The following PMS1 variants were observed in gnomAD, a reference collection of about 807,000 sequenced individuals.
PMS1 encodes PMS1 homolog 1, mismatch repair system component, also known as PMS1 protein homolog 1.
Under a neutral mutation model 93.1 loss-of-function variants are expected in PMS1, and 79 were observed. The ratio of observed to expected loss-of-function variants is 0.85; its 90% CI spans 0.71 to 1.02. PMS1 has a LOEUF of 1.02. PMS1 is among the 50% of genes least tolerant of loss of function. The probability of loss-of-function intolerance (pLI) is 0.00; values close to 1 mark genes in which losing one functional copy is unlikely to be tolerated. For synonymous variants in PMS1, 335 were observed against 363.4 expected, an observed-to-expected ratio of 0.92 and a Z score of 0.89; for missense variants, 1,064 against 1,085.3, an observed-to-expected ratio of 0.98 and a Z score of 0.28.
chr2:189,799,657 T>C lies in PMS1; in HGVS notation c.315+3706T>C, dbSNP rs567557632. Among the ~76,000 whole-genome samples the C allele has an allele frequency of 1.4e-4, 22 of 152,328 alleles. No individual in the cohort carries two copies. In the South Asian group the frequency reaches 3.3e-3, roughly 23 times the overall value. ...CTTTTATAGTAGTAGGGGACCCTAG[T>C]ACACCATCTAGATCCCCCACTTCAG... is the stretch of plus-strand genomic sequence containing the variant. On this transcript the variant is annotated intron_variant, in intron 3 of 12. Coordinates refer to ENST00000441310, the MANE Select transcript of PMS1 (RefSeq NM_000534.5).
chr2:189,828,639 C>G (rs541203078), intron 5 of PMS1, among the ~76,000 whole-genome samples: 9 of 152,176 alleles, frequency 5.9e-5, no homozygotes, highest in African/African-American at 1.9e-4. Context: ...AAATCATGCT[C>G]TAGATGAAAA....
chr2:189,826,329 A>G (rs1007683554), intron 5 of PMS1, among the ~76,000 whole-genome samples: 2 of 152,114 alleles, frequency 1.3e-5, no homozygotes, highest in African/African-American at 2.4e-5. Flanking sequence ...TCCAGTGCCA[A>G]TCTGGAAAGT....
chr2:189,810,533 G>A (rs368905431), intron 4 of PMS1, among the ~76,000 whole-genome samples: 46 of 152,338 alleles, frequency 3.0e-4, no homozygotes, highest in South Asian at 6.2e-4. Context: ...CTTGTGGGCA[G>A]ACATGACAGA....
chr2:189,823,900 T>G (rs1201730156), intron 5 of PMS1, among the ~76,000 whole-genome samples: 1 of 152,222 alleles, frequency 6.6e-6, no homozygotes, highest in Admixed American at 6.5e-5. Flanking sequence ...AAACACAGTG[T>G]AGTCCAACAT....
At chr2:189,811,053 C>T (rs950553669) in intron 4 of PMS1, among the ~76,000 whole-genome samples, 15 of 150,900 alleles carry the variant, frequency 9.9e-5, no homozygotes, top group Non-Finnish European at 1.8e-4. Flanking sequence ...TAGCAAATTT[C>T]AGCAGAGAAA....
At chr2:189,847,210 A>G (rs2054329764) in intron 6 of PMS1, among the ~76,000 whole-genome samples, 1 of 152,098 alleles carries the variant, frequency 6.6e-6, no homozygotes, top group Admixed American at 6.5e-5. Context: ...GGATGTGTCT[A>G]AGTGTGTGTC....
intron 5 of PMS1, among the ~76,000 whole-genome samples, chr2:189,840,274 G>A (rs2053713310): frequency 6.6e-6 from 1 of 152,156 alleles, no homozygotes; most frequent in African/African-American, 2.4e-5. Flanking sequence ...GAAAGTGATG[G>A]ACAGAAAACC....
At chr2:189,789,410 C>A (rs1371814751) in intron 1 of PMS1, among the ~76,000 whole-genome samples, 1 of 152,074 alleles carries the variant, frequency 6.6e-6, no homozygotes, top group Admixed American at 6.5e-5. Context: ...TAAAGGTGAA[C>A]CCCCAATACC....
In PMS1 at chr2:189,873,624, T is replaced by C; in HGVS notation, c.2602T>C (p.Cys868Arg). The change falls in exon 12 of 13, where the codon TGT becomes CGT. Residue 868 changes from cysteine to arginine, a missense_variant. By Grantham distance (180) the Cys-to-Arg change is radical. Coordinates refer to ENST00000441310, the MANE Select transcript of PMS1 (RefSeq NM_000534.5). ...LNRNAKEVYE[C>R]RPRKVISYLE... The stretch of plus-strand genomic sequence containing the variant: ...CAGAAATGCAAAGGAAGTTTATGAA[T>C]GTAGACCTCGCAAAGTGATAAGTTA... 6.2e-7 allele frequency: 1 copy of C among 1,606,866 alleles called. No individual in the cohort carries two copies. Among genetic ancestry groups the C allele is most frequent in the Non-Finnish European group, 8.5e-7 (1 of 1,173,510 alleles).
intron 3 of PMS1, among the ~76,000 whole-genome samples, chr2:189,799,640 G>A (rs1453892247): frequency 6.6e-6 from 1 of 152,210 alleles, no homozygotes; most frequent in African/African-American, 2.4e-5. Flanking sequence ...AACTTTTATA[G>A]TAGTAGGGGA....
At chr2:189,876,230 G>A (rs913269622) in intron 12 of PMS1, among the ~76,000 whole-genome samples, 1 of 152,108 alleles carries the variant, frequency 6.6e-6, no homozygotes, top group South Asian at 2.1e-4. Flanking sequence ...AGGGGTTGTG[G>A]GAAGGAGTTG....
Position 189,818,023 on chromosome 2 carries a change from CTG to C in PMS1, c.427_428del (p.Val143AsnfsTer7). ...TTCTCTTGTCTGCCAACAGGTACAA[CTG>C]TAACTGCTTTAAGATTATTTAAGAA... On this transcript the variant is annotated frameshift_variant, in exon 5 of 13. Coordinates refer to ENST00000441310, the MANE Select transcript of PMS1 (RefSeq NM_000534.5). LOFTEE classifies it high-confidence loss of function. 6.2e-7 allele frequency: 1 copy of C among 1,607,100 alleles called. No individual in the cohort carries two copies. Among genetic ancestry groups the C allele is most frequent in the Non-Finnish European group, 8.5e-7 (1 of 1,174,262 alleles).
In PMS1 at chr2:189,864,093, G is replaced by A. The variant is rs368630253; in HGVS notation, c.2207G>A (p.Trp736Ter). Residue 736 changes from tryptophan (W) to a stop codon, truncating the protein, a stop_gained, in exon 10 of 13, where the codon TGG becomes TAG. Coordinates refer to ENST00000441310, the MANE Select transcript of PMS1 (RefSeq NM_000534.5). LOFTEE classifies it high-confidence loss of function. ...CACAATCTCAGGTTTCCTGATGCAT[G>A]GCTAATGACATCCAAAACAGAGGTA... ...LIHNLRFPDA[W>*]LMTSKTEVML... The A allele has an allele frequency of 1.9e-6, 3 of 1,613,656 alleles. No individual in the cohort carries two copies. In the South Asian group the frequency reaches 3.3e-5, roughly 18 times the overall value.
rs181043189 is a variant in PMS1, at chr2:189,861,149, G to A, written c.1857-2594G>A. On this transcript the variant is annotated intron_variant, in intron 9 of 12. Transcript: ENST00000441310. ...TGTTCTTTTGTTCCTCCTTTTTGGG[G>A]GGAGAGGAGCCCTTTAGGGTTAAAA... Among the ~76,000 whole-genome samples the A allele has an allele frequency of 7.2e-5, 11 of 151,762 alleles. 1 individual carries two copies. The East Asian group carries it at 1.5e-3, about 21-fold the overall frequency.
intron 5 of PMS1, among the ~76,000 whole-genome samples, chr2:189,823,123 T>G (rs992302062): frequency 6.6e-6 from 1 of 152,126 alleles, no homozygotes; most frequent in African/African-American, 2.4e-5. Flanking sequence ...TCTCTAAAAC[T>G]AGGCAGTCAC....
At chr2:189,807,938 G>A (rs2050490489) in intron 4 of PMS1, among the ~76,000 whole-genome samples, 1 of 151,950 alleles carries the variant, frequency 6.6e-6, no homozygotes, top group Non-Finnish European at 1.5e-5. Flanking sequence ...GAAAGTTAAA[G>A]TCTTAATTTT....
intron 10 of PMS1, among the ~76,000 whole-genome samples, chr2:189,864,687 A>AATATATATATATAT (rs1220402323): frequency 5.5e-5 from 1 of 18,252 alleles, no homozygotes; most frequent in Non-Finnish European, 1.0e-4. Context: ...AAAAAAAAAA[A>AATATATATATATAT]ATATATATAT....
At chr2:189,847,993 T>TG (rs1397100488) in intron 6 of PMS1, among the ~76,000 whole-genome samples, 3 of 152,214 alleles carry the variant, frequency 2.0e-5, no homozygotes, top group Non-Finnish European at 4.4e-5. Context: ...CCAACCTTAG[T>TG]GGCCAGCTAC....
chr2:189,814,410 C>T (rs1314754689), intron 4 of PMS1, among the ~76,000 whole-genome samples: 1 of 151,900 alleles, frequency 6.6e-6, no homozygotes, highest in African/African-American at 2.4e-5. Flanking sequence ...AGGAATATTG[C>T]ACTTCCTTTA....
Sources: allele counts gnomAD v4.1 joint callset (sites outside exome capture counted in the v4.1 genomes callset), GRCh38; gene constraint gnomAD v4.1.1; transcripts MANE v1.5; gene names NCBI Gene and HGNC (gene_info 2026-07-23, HGNC 2026-07-21).